Variants in SMURF2 observed in about 807,000 individuals in gnomAD.
SMURF2 encodes E3 ubiquitin-protein ligase SMURF2.
SMURF2 carries 48 observed loss-of-function variants against 109.6 expected under a neutral mutation model. The ratio of observed to expected loss-of-function variants is 0.44; its 90% CI spans 0.35 to 0.56. The LOEUF is 0.56. Among genes scored for constraint, SMURF2 ranks in the 20% least tolerant of loss-of-function variants. The pLI, the probability that SMURF2 is intolerant of heterozygous loss-of-function variation, is 0.01. For synonymous variants in SMURF2, 288 were observed against 317.1 expected (o/e 0.91, Z 0.97); for missense variants, 575 against 909.0 (o/e 0.63, Z 4.72).
Position 64,580,880 on chromosome 17 carries a change from C to G in SMURF2, c.681G>C (p.Arg227Ser). ...GATCGQSSDP[R>S]LAERRVRSQR... ...GTGACCTGACTCTCCTCTCTGCCAG[C>G]CTGGGATCTGAAGACTGTCCACATG... Residue 227 changes from arginine to serine, a missense_variant, in exon 8 of 19, where the codon AGG (arginine) becomes AGC (serine). Physicochemically the swap from Arg to Ser is moderately radical, Grantham distance 110. Around this residue, in one of 5 missense-constraint regions of SMURF2, gnomAD observed 151 missense variants for 178.4 expected, o/e 0.85. Transcript: ENST00000262435. The G allele has an allele frequency of 1.2e-6, 2 of 1,614,160 alleles. No homozygotes were observed.
At chr17:64,599,301 A>T (rs1425532690) in intron 2 of SMURF2, among the ~76,000 whole-genome samples, 3 of 152,040 alleles carry the variant, frequency 2.0e-5, no homozygotes, top group East Asian at 3.9e-4. Context: ...TAGATTCTAA[A>T]CCCATGTCTG....
chr17:64,625,467 A>T (rs1970255175), intron 1 of SMURF2, among the ~76,000 whole-genome samples: 1 of 152,252 alleles, frequency 6.6e-6, no homozygotes, highest in Non-Finnish European at 1.5e-5. Context: ...TGCTATGCAG[A>T]TAAGAACACA....
chr17:64,548,661 T>G (rs1968993655), intron 16 of SMURF2, among the ~76,000 whole-genome samples: 1 of 152,190 alleles, frequency 6.6e-6, no homozygotes, highest in Non-Finnish European at 1.5e-5. Context: ...GTGCTAGGAT[T>G]ATAGGTGTGA....
At chr17:64,562,456 C>T (rs1222639411) in intron 11 of SMURF2, among the ~76,000 whole-genome samples, 32 of 150,532 alleles carry the variant, frequency 2.1e-4, no homozygotes, top group Admixed American at 2.0e-3. Flanking sequence ...CTCGGCTCAC[C>T]GCAACCTCCG....
chr17:64,604,692 T>A (rs1969945248), intron 2 of SMURF2, among the ~76,000 whole-genome samples: 1 of 152,074 alleles, frequency 6.6e-6, no homozygotes. Context: ...ATGTCTATAA[T>A]CCCAGCACTG....
intron 2 of SMURF2, among the ~76,000 whole-genome samples, chr17:64,605,775 A>ATATATATATATATATATATATATATATC (rs1367705550): frequency 7.2e-6 from 1 of 139,014 alleles, no homozygotes; most frequent in Non-Finnish European, 1.5e-5. Context: ...ATATATATAT[A>ATATATATATATATATATATATATATATC]TCTTATTTCT....
intron 6 of SMURF2, 51 bp from the exon 7 acceptor site, chr17:64,583,595 G>A: frequency 7.2e-7 from 1 of 1,394,002 alleles, no homozygotes; most frequent in Non-Finnish European, 1.0e-6. Context: ...CTTGGACACA[G>A]TGCAACAAGC....
At chr17:64,605,598 C>A (rs1470328463) in intron 2 of SMURF2, among the ~76,000 whole-genome samples, 2 of 150,604 alleles carry the variant, frequency 1.3e-5, no homozygotes, top group African/African-American at 4.9e-5. Flanking sequence ...ATTAGCTGGA[C>A]GTGGTGAAGT....
chr17:64,544,067 C>G lies in SMURF2; in HGVS notation c.*1781G>C, dbSNP rs558492762. ...ATACTTAAAAACTACACAAGTAGTT[C>G]TCAACTTTTTTAAAGCAGCAAAATC... On this transcript the variant is annotated 3_prime_UTR_variant, in exon 19 of 19. Coordinates refer to ENST00000262435, the MANE Select transcript of SMURF2 (RefSeq NM_022739.4). 3.3e-5 allele frequency: 5 copies of G among 152,296 alleles called. No homozygotes were observed. Among genetic ancestry groups the G allele is most frequent in the Admixed American group, 2.0e-4 (3 of 15,298 alleles). The allele number at this position is 152,296 out of a possible 1,614,324, so 9.4% of individuals were successfully genotyped here. A position where few individuals can be genotyped will look rare whatever the true frequency, so the allele number is the denominator to read the frequency against.
intron 17 of SMURF2, among the ~76,000 whole-genome samples, chr17:64,546,736 TG>T (rs1968959039): frequency 6.6e-6 from 1 of 152,238 alleles, no homozygotes; most frequent in South Asian, 2.1e-4. Context: ...CAAACTGGGC[TG>T]ACAGCAAAAG....
intron 2 of SMURF2, 138 bp downstream of exon 2, chr17:64,606,464 G>A: frequency 1.4e-6 from 1 of 694,216 alleles, no homozygotes; most frequent in Non-Finnish European, 2.4e-6. Context: ...ATGCCAAATG[G>A]CTCTGAACCG....
At chr17:64,553,194 C>G (rs1969070358) in intron 15 of SMURF2, among the ~76,000 whole-genome samples, 1 of 152,000 alleles carries the variant, frequency 6.6e-6, no homozygotes, top group South Asian at 2.1e-4. Flanking sequence ...TTGCAGCCTC[C>G]TGAACATCTT....
intron 1 of SMURF2, among the ~76,000 whole-genome samples, chr17:64,625,847 G>A (rs1484004563): frequency 1.3e-5 from 2 of 152,042 alleles, no homozygotes; most frequent in African/African-American, 4.8e-5. Context: ...AGATGGTGAT[G>A]GTAAAGCGCT....
At chr17:64,597,053 C>G (rs1209488944) in intron 3 of SMURF2, among the ~76,000 whole-genome samples, 2 of 152,048 alleles carry the variant, frequency 1.3e-5, no homozygotes, top group African/African-American at 4.8e-5. Flanking sequence ...TATTGGAAGA[C>G]TAAAGAAAGG....
At chr17:64,653,435 T>C (rs983987871) in intron 1 of SMURF2, among the ~76,000 whole-genome samples, 1 of 150,412 alleles carries the variant, frequency 6.6e-6, no homozygotes, top group African/African-American at 2.5e-5. Flanking sequence ...ACAATGCTGG[T>C]AGAAATGCAA....
chr17:64,626,071 C>T (rs1259256420), intron 1 of SMURF2, among the ~76,000 whole-genome samples: 4 of 151,564 alleles, frequency 2.6e-5, no homozygotes, highest in Non-Finnish European at 4.4e-5. Context: ...GTCAGGAGTT[C>T]GAGACCGAAA....
At position 64,544,077 on chromosome 17, in the gene SMURF2, T is replaced by C. The variant is rs1374863566; in HGVS notation, c.*1771A>G. On this transcript the variant is annotated 3_prime_UTR_variant, in exon 19 of 19. Coordinates refer to ENST00000262435, the MANE Select transcript of SMURF2 (RefSeq NM_022739.4). Reference sequence around the variant, plus strand: ...ACTACACAAGTAGTTCTCAACTTTTTTAAAGCAGCAAAATCTCCACTTTTT... The same window carrying C: ...ACTACACAAGTAGTTCTCAACTTTTCTAAAGCAGCAAAATCTCCACTTTTT... 6.6e-6 allele frequency: 1 copy of C among 152,206 alleles called. No individual in the cohort carries two copies. The highest frequency in any genetic ancestry group is 1.5e-5 in the Non-Finnish European group (1 of 68,042). The allele number at this position is 152,206 out of a possible 1,614,324, so 9.4% of individuals were successfully genotyped here. A position where few individuals can be genotyped will look rare whatever the true frequency, so the allele number is the denominator to read the frequency against.
At chr17:64,617,529 G>A (rs1384326770) in intron 1 of SMURF2, among the ~76,000 whole-genome samples, 1 of 152,084 alleles carries the variant, frequency 6.6e-6, no homozygotes, top group East Asian at 1.9e-4. Context: ...CACTTAGGCT[G>A]GAATGGAGTG....
In SMURF2 at chr17:64,631,209, G is replaced by A. The variant is rs536897924; in HGVS notation, c.53-24569C>T. ...CCCAGCTACTCAGGTCAAAAAAAGG[G>A]AGAGAGGGACGGGGGTGAGGTGGGG... On this transcript the variant is annotated intron_variant, in intron 1 of 18. Coordinates refer to ENST00000262435, the MANE Select transcript of SMURF2 (RefSeq NM_022739.4). Among the ~76,000 whole-genome samples the A allele has an allele frequency of 4.9e-5, 7 of 142,450 alleles. No individual in the cohort carries two copies. The East Asian group carries it at 1.1e-3, about 23-fold the overall frequency. The allele number at this position is 142,450 out of a possible 152,430, so 93.5% of individuals were successfully genotyped here. A position where few individuals can be genotyped will look rare whatever the true frequency, so the allele number is the denominator to read the frequency against.
Sources: allele counts gnomAD v4.1 joint callset (sites outside exome capture counted in the v4.1 genomes callset), GRCh38; gene constraint gnomAD v4.1.1; regional missense constraint gnomAD v4.1.1; transcripts MANE v1.5; gene names NCBI Gene and HGNC (gene_info 2026-07-23, HGNC 2026-07-21).